The following SDK1 variants were observed in gnomAD, a reference collection of about 807,000 sequenced individuals.
The protein encoded by SDK1 is protein sidekick-1.
In SDK1, 157 loss-of-function variants were observed where a neutral mutation model predicts 245.5. The observed-to-expected ratio is 0.64, with a 90% CI of 0.56 to 0.73. The LOEUF (loss-of-function observed/expected upper bound fraction) is 0.73, where lower values mean the gene tolerates loss of function less well. Among genes scored for constraint, SDK1 ranks in the 30% least tolerant of loss-of-function variants. The probability of loss-of-function intolerance (pLI) is 0.00; values close to 1 mark genes in which losing one functional copy is unlikely to be tolerated. For synonymous variants in SDK1, 1,647 were observed against 1,278.5 expected (o/e 1.29, Z -6.15); for missense variants, 3,583 against 3,002.3 (o/e 1.19, Z -4.52).
chr7:3,651,130 GTTTT>G (rs35272140), intron 4 of SDK1, among the ~76,000 whole-genome samples: 1 of 142,166 alleles, frequency 7.0e-6, no homozygotes, highest in Non-Finnish European at 1.5e-5. Flanking sequence ...TTTAGTTTTA[GTTTT>G]TTTTTTTTTT....
intron 1 of SDK1, among the ~76,000 whole-genome samples, chr7:3,308,913 T>A (rs1307878580): frequency 1.3e-5 from 2 of 152,106 alleles, no homozygotes; most frequent in Non-Finnish European, 2.9e-5. Flanking sequence ...AACCACGTAA[T>A]GACTATGGTG....
rs931795135 is a variant in SDK1, at chr7:3,538,578, G to A, written c.299-80502G>A. On this transcript the variant is annotated intron_variant, in intron 1 of 44. Coordinates refer to ENST00000404826, the MANE Select transcript of SDK1 (RefSeq NM_152744.4). Reference sequence around the variant, plus strand: ...TAAATCTCCCCACTTACCTAGGCAGGCCAATGCTGTCCATATCTTGGATTC... The same window carrying A: ...TAAATCTCCCCACTTACCTAGGCAGACCAATGCTGTCCATATCTTGGATTC... Among the ~76,000 whole-genome samples, 4 of 152,252 alleles carry A rather than the reference G, an allele frequency of 2.6e-5. No homozygotes were observed. The East Asian group carries it at 7.7e-4, about 29-fold the overall frequency.
At chr7:3,371,963 G>C (rs1781238907) in intron 1 of SDK1, among the ~76,000 whole-genome samples, 2 of 152,182 alleles carry the variant, frequency 1.3e-5, no homozygotes, top group Admixed American at 6.5e-5. Flanking sequence ...AAGAAACACA[G>C]GTTAGGTTTG....
At chr7:3,874,094 C>T (rs1781018273) in intron 5 of SDK1, among the ~76,000 whole-genome samples, 1 of 152,142 alleles carries the variant, frequency 6.6e-6, no homozygotes, top group Non-Finnish European at 1.5e-5. Flanking sequence ...TGGAGATGAG[C>T]ATGCTTTTCT....
chr7:3,383,300 A>T (rs1378285790), intron 1 of SDK1, among the ~76,000 whole-genome samples: 2 of 152,128 alleles, frequency 1.3e-5, no homozygotes, highest in Non-Finnish European at 2.9e-5. Flanking sequence ...GGTTCCAGCT[A>T]CTAGGGAGAC....
chr7:3,540,595 C>G (rs1289014158), intron 1 of SDK1, among the ~76,000 whole-genome samples: 2 of 152,166 alleles, frequency 1.3e-5, no homozygotes, highest in Non-Finnish European at 2.9e-5. Flanking sequence ...ATGATATGTG[C>G]TATGGGGAAG....
At chr7:4,053,104 A>T (rs531424366) in intron 19 of SDK1, among the ~76,000 whole-genome samples, 1 of 151,802 alleles carries the variant, frequency 6.6e-6, no homozygotes, top group Non-Finnish European at 1.5e-5. Flanking sequence ...AAAAAAAAAA[A>T]AAAATTAGGA....
At chr7:3,957,999 T>C in intron 7 of SDK1, 3 of 470,942 alleles carry the variant, frequency 6.4e-6, no homozygotes, top group Non-Finnish European at 1.3e-5. Flanking sequence ...TAATCGTTTC[T>C]TTGAAATGCT....
intron 28 of SDK1, among the ~76,000 whole-genome samples, chr7:4,143,032 C>T (rs1779682193): frequency 6.6e-6 from 1 of 152,130 alleles, no homozygotes; most frequent in Non-Finnish European, 1.5e-5. Context: ...GAACTCCGAC[C>T]CAGGGAGTCC....
At chr7:3,514,618 C>T (rs1426185494) in intron 1 of SDK1, among the ~76,000 whole-genome samples, 1 of 152,042 alleles carries the variant, frequency 6.6e-6, no homozygotes, top group East Asian at 1.9e-4. Flanking sequence ...TTTCAGCATG[C>T]ACGAAGGAGG....
chr7:3,729,158 A>C (rs1368971937), intron 4 of SDK1, among the ~76,000 whole-genome samples: 1 of 152,192 alleles, frequency 6.6e-6, no homozygotes, highest in Non-Finnish European at 1.5e-5. Context: ...TAGGATATTA[A>C]TAAAGTTTGG....
intron 1 of SDK1, among the ~76,000 whole-genome samples, chr7:3,572,483 A>G (rs1371572516): frequency 2.0e-5 from 3 of 152,036 alleles, no homozygotes; most frequent in African/African-American, 7.2e-5. Context: ...GCGCAGACCA[A>G]TGAATGACCA....
At chr7:4,133,802 G>A (rs995725490) in intron 28 of SDK1, among the ~76,000 whole-genome samples, 1 of 152,154 alleles carries the variant, frequency 6.6e-6, no homozygotes, top group Non-Finnish European at 1.5e-5. Flanking sequence ...CCCCAGGTTA[G>A]CTCTCGGGAT....
intron 1 of SDK1, among the ~76,000 whole-genome samples, chr7:3,438,791 A>T (rs879748793): frequency 2.0e-5 from 3 of 150,182 alleles, no homozygotes; most frequent in Non-Finnish European, 3.0e-5. Flanking sequence ...TGAAAAGTTT[A>T]TACTTTACTA....
At chr7:3,405,170 A>C (rs910587485) in intron 1 of SDK1, among the ~76,000 whole-genome samples, 19 of 143,368 alleles carry the variant, frequency 1.3e-4, no homozygotes, top group African/African-American at 4.9e-4. Flanking sequence ...AAAAAAAAAA[A>C]CAAAAACAAA....
intron 5 of SDK1, among the ~76,000 whole-genome samples, chr7:3,944,368 T>C (rs1583601036): frequency 6.6e-6 from 1 of 152,244 alleles, no homozygotes; most frequent in South Asian, 2.1e-4. Context: ...TAGAATTCCT[T>C]TCTCTACTTT....
intron 1 of SDK1, among the ~76,000 whole-genome samples, chr7:3,599,678 G>A (rs1235803917): frequency 6.6e-6 from 1 of 152,066 alleles, no homozygotes; most frequent in African/African-American, 2.4e-5. Context: ...TTGCCTTCTA[G>A]GTATTCAATT....
In SDK1 at chr7:3,793,203, G is replaced by C. The variant is rs536332205; in HGVS notation, c.714-28247G>C. ...AATTTTAATATTTTGGTCTGTTTCC[G>C]TAAAAGACATTACATTTCTAAATTT... On this transcript the variant is annotated intron_variant, in intron 4 of 44. Transcript: ENST00000404826. Among the ~76,000 whole-genome samples, 7 of 152,042 alleles carry C rather than the reference G, an allele frequency of 4.6e-5. No homozygotes were observed. In the South Asian group the frequency reaches 6.2e-4, roughly 14 times the overall value.
chr7:3,928,724 G>T (rs753693564), intron 5 of SDK1, among the ~76,000 whole-genome samples: 1 of 152,132 alleles, frequency 6.6e-6, no homozygotes, highest in Non-Finnish European at 1.5e-5. Flanking sequence ...CTGCCCCTAG[G>T]ACCAGGTTCA....
Sources: allele counts gnomAD v4.1 joint callset (sites outside exome capture counted in the v4.1 genomes callset), GRCh38; gene constraint gnomAD v4.1.1; transcripts MANE v1.5; gene names NCBI Gene and HGNC (gene_info 2026-07-23, HGNC 2026-07-21).